The following RBFOX3 variants were observed in gnomAD, a reference collection of about 807,000 sequenced individuals.
RBFOX3 encodes the protein RNA binding protein fox-1 homolog 3.
A neutral mutation model predicts 48.7 loss-of-function variants in RBFOX3; 17 were observed. The observed-to-expected ratio is 0.35, with a 90% CI of 0.24 to 0.52. RBFOX3 has a LOEUF of 0.52. Among genes scored for constraint, RBFOX3 ranks in the 20% least tolerant of loss-of-function variants. The pLI is 0.94. For missense variants in RBFOX3, 382 were observed against 497.5 expected, an observed-to-expected ratio of 0.77 and a Z score of 2.21; for synonymous variants, 212 against 209.5, an observed-to-expected ratio of 1.01 and a Z score of -0.10.
chr17:79,152,133 T>C (rs1292671825), intron 4 of RBFOX3, among the ~76,000 whole-genome samples: 1 of 151,850 alleles, frequency 6.6e-6, no homozygotes, highest in African/African-American at 2.4e-5. Context: ...AGCCTGAGAC[T>C]GTGCATAAGT....
intron 2 of RBFOX3, among the ~76,000 whole-genome samples, chr17:79,386,266 G>A (rs2060553890): frequency 6.6e-6 from 1 of 150,792 alleles, no homozygotes; most frequent in Non-Finnish European, 1.5e-5. Context: ...CCAGACGGGG[G>A]CTCCATCACC....
Position 79,205,051 on chromosome 17 carries a change from A to G in RBFOX3, c.-34+30715T>C, listed in dbSNP as rs1396920224. 6.6e-6 allele frequency among the ~76,000 whole-genome samples: 1 copy of G among 152,154 alleles called. No homozygotes were observed. Among genetic ancestry groups the G allele is most frequent in the Non-Finnish European group, 1.5e-5 (1 of 68,026 alleles). ...AAACTGCAGTACCATATCCAGTTCC[A>G]GGTCTAAGGCAGTTCTCCAGTCAGA... On this transcript the variant is annotated intron_variant, in intron 4 of 14. Transcript: ENST00000693108. This position sits in a 1 kb window ranked among gnomAD's most constrained non-coding sequence, Gnocchi z 4.5.
chr17:79,603,243 G>A (rs966919890), intron 1 of RBFOX3, among the ~76,000 whole-genome samples: 3 of 152,014 alleles, frequency 2.0e-5, no homozygotes, highest in South Asian at 2.1e-4. Context: ...TCCCTGCCTC[G>A]GCCTCCCAAA....
At chr17:79,511,401 C>T (rs1047495225) in intron 1 of RBFOX3, among the ~76,000 whole-genome samples, 4 of 152,142 alleles carry the variant, frequency 2.6e-5, no homozygotes, top group Non-Finnish European at 4.4e-5. Context: ...TAGGGATGAT[C>T]GTCCTGCCCA....
Position 79,090,761 on chromosome 17 carries a change from T to G in RBFOX3, c.*122A>C. 20 of 1,226,000 alleles carry G rather than the reference T, an allele frequency of 1.6e-5. No homozygotes were observed. Among genetic ancestry groups the G allele is most frequent in the South Asian group, 3.2e-5 (2 of 63,060 alleles). The allele number at this position is 1,226,000 out of a possible 1,614,324, so 75.9% of individuals were successfully genotyped here. On this transcript the variant is annotated 3_prime_UTR_variant, in exon 15 of 15. Transcript: ENST00000693108. ...TTGGACTTGGTTGGATGCCTCTTGG[T>G]TTGGTTGGTTTTTTTTTTGTTGCTT...
Position 79,477,295 on chromosome 17 carries a change from A to G in RBFOX3, c.-175+5159T>C, listed in dbSNP as rs369879802. On this transcript the variant is annotated intron_variant, in intron 2 of 14. Transcript: ENST00000693108. The surrounding 1 kb of genome is among the most constrained non-coding windows in gnomAD (Gnocchi z 4.8). Reference sequence around the variant, plus strand: ...AAAAAAAGAGGGCGCGGTGGCTCACACCTGTAATCCCAGCACTTTGGGAGG... The same window carrying G: ...AAAAAAAGAGGGCGCGGTGGCTCACGCCTGTAATCCCAGCACTTTGGGAGG... 4.6e-3 allele frequency among the ~76,000 whole-genome samples: 658 copies of G among 143,994 alleles called. 1 individual carries two copies. The highest frequency in any genetic ancestry group is 0.013 in the Middle Eastern group (3 of 234). The allele number at this position is 143,994 out of a possible 152,430, so 94.5% of individuals were successfully genotyped here. A position where few individuals can be genotyped will look rare whatever the true frequency, so the allele number is the denominator to read the frequency against.
Position 79,443,149 on chromosome 17 carries a change from A to G in RBFOX3, c.-175+39305T>C, listed in dbSNP as rs561667939. Among the ~76,000 whole-genome samples the G allele has an allele frequency of 2.8e-4, 43 of 152,234 alleles. No homozygotes were observed. In the South Asian group the frequency reaches 8.1e-3, roughly 29 times the overall value. On this transcript the variant is annotated intron_variant, in intron 2 of 14. Coordinates refer to ENST00000693108, the MANE Select transcript of RBFOX3 (RefSeq NM_001350451.2). The surrounding 1 kb of genome is among the most constrained non-coding windows in gnomAD (Gnocchi z 4.4). ...CTCAGCCTCCCATGTCGCCTCCCCA[A>G]CCAGCCACCTGGGAACCCGAGGAAG...
chr17:79,221,795 C>T (rs1008336475), intron 4 of RBFOX3, among the ~76,000 whole-genome samples: 23 of 152,228 alleles, frequency 1.5e-4, no homozygotes, highest in African/African-American at 4.8e-4. Context: ...CCAAGGCCGC[C>T]GCCCATAGCT....
intron 3 of RBFOX3, among the ~76,000 whole-genome samples, chr17:79,247,782 C>T (rs1405906672): frequency 6.6e-6 from 1 of 152,226 alleles, no homozygotes; most frequent in Non-Finnish European, 1.5e-5. Flanking sequence ...GAACTTAGAT[C>T]TGGCGGTTGA....
At chr17:79,653,948 AC>A in the RBFOX3 span, among the ~76,000 whole-genome samples, 1 of 151,612 alleles carries the variant, frequency 6.6e-6, no homozygotes, top group Non-Finnish European at 1.5e-5. Context: ...ATGTTAGGGC[AC>A]CTGTACTGGA....
intron 2 of RBFOX3, among the ~76,000 whole-genome samples, chr17:79,383,201 C>T (rs2060154257): frequency 6.6e-6 from 1 of 152,192 alleles, no homozygotes; most frequent in Non-Finnish European, 1.5e-5. Flanking sequence ...GGGACAATAT[C>T]ACATCACACA....
chr17:79,335,116 G>A (rs550479861), intron 2 of RBFOX3, among the ~76,000 whole-genome samples: 45 of 152,368 alleles, frequency 3.0e-4, no homozygotes, highest in Middle Eastern at 3.4e-3. Flanking sequence ...TTAGAGGGGC[G>A]TATGTGGGCC....
chr17:79,312,429 T>A (rs2076983363), intron 2 of RBFOX3, among the ~76,000 whole-genome samples: 1 of 151,614 alleles, frequency 6.6e-6, no homozygotes, highest in South Asian at 2.1e-4. Flanking sequence ...GGATGAGGTG[T>A]GGTAGGCAGG....
intron 3 of RBFOX3, among the ~76,000 whole-genome samples, chr17:79,292,696 A>C (rs1213368672): frequency 6.6e-6 from 1 of 152,136 alleles, no homozygotes; most frequent in African/African-American, 2.4e-5. Context: ...CTGTGTAATG[A>C]GGGAACAGCA....
At chr17:79,470,215 G>A (rs1191623174) in intron 2 of RBFOX3, among the ~76,000 whole-genome samples, 2 of 152,104 alleles carry the variant, frequency 1.3e-5, no homozygotes, top group Admixed American at 6.6e-5. Context: ...GAACTCAGGA[G>A]ATCACTACTG....
chr17:79,651,848 T>TC, the RBFOX3 span, among the ~76,000 whole-genome samples: 2 of 125,320 alleles, frequency 1.6e-5, no homozygotes, highest in East Asian at 2.7e-4. Flanking sequence ...CTTCTCTCTC[T>TC]TTCCCCCCCT....
At position 79,481,975 on chromosome 17, in the gene RBFOX3, C is replaced by T. The variant is rs1031498784; in HGVS notation, c.-175+479G>A. On this transcript the variant is annotated intron_variant, in intron 2 of 14. Transcript: ENST00000693108. This position sits in a 1 kb window ranked among gnomAD's most constrained non-coding sequence, Gnocchi z 5.4. ...TCCGGCGGTTAGTGTCAGAGCTGAA[C>T]GGCAGTCACCCTCTCGGGGTGGGAA... is the stretch of plus-strand genomic sequence containing the variant. 3.5e-4 allele frequency among the ~76,000 whole-genome samples: 53 copies of T among 152,216 alleles called. No individual in the cohort carries two copies. The highest frequency in any genetic ancestry group is 1.1e-3 in the African/African-American group (47 of 41,542).
intron 2 of RBFOX3, among the ~76,000 whole-genome samples, chr17:79,370,100 G>T (rs929910184): frequency 6.6e-6 from 1 of 152,158 alleles, no homozygotes; most frequent in African/African-American, 2.4e-5. Context: ...CCTGCTCTGT[G>T]GTGACCAGGT....
At chr17:79,326,482 G>A (rs1033233841) in intron 2 of RBFOX3, among the ~76,000 whole-genome samples, 2 of 152,146 alleles carry the variant, frequency 1.3e-5, no homozygotes, top group African/African-American at 2.4e-5. Flanking sequence ...CTGGGGTCAG[G>A]CACTACACTG....
Sources: allele counts gnomAD v4.1 joint callset (sites outside exome capture counted in the v4.1 genomes callset), GRCh38; gene constraint gnomAD v4.1.1; non-coding constraint Gnocchi (gnomAD v3.1); transcripts MANE v1.5; gene names NCBI Gene and HGNC (gene_info 2026-07-23, HGNC 2026-07-21).